The following TBC1D5 variants were observed in gnomAD, a reference collection of about 807,000 sequenced individuals.
The protein encoded by TBC1D5 is TBC1 domain family member 5.
A neutral mutation model predicts 100.3 loss-of-function variants in TBC1D5; 75 were observed. That is an observed-to-expected ratio of 0.75 (90% confidence interval 0.62 to 0.91). The LOEUF is 0.91. Ranked by LOEUF, TBC1D5 falls within the 40% of genes least tolerant of loss-of-function variation. The probability of loss-of-function intolerance (pLI) is 0.00; values close to 1 mark genes in which losing one functional copy is unlikely to be tolerated. For synonymous variants in TBC1D5, 323 were observed against 325.6 expected, an observed-to-expected ratio of 0.99 and a Z score of 0.09; for missense variants, 910 against 942.4, an observed-to-expected ratio of 0.97 and a Z score of 0.45.
chr3:17,287,091 ATAAT>A (rs1446579634), intron 15 of TBC1D5, among the ~76,000 whole-genome samples: 1 of 152,210 alleles, frequency 6.6e-6, no homozygotes, highest in East Asian at 1.9e-4. Flanking sequence ...TTCAAGTTGT[ATAAT>A]TAATTAACTA....
intron 19 of TBC1D5, among the ~76,000 whole-genome samples, chr3:17,182,374 G>T (rs1323140008): frequency 6.6e-6 from 1 of 152,184 alleles, no homozygotes; most frequent in Non-Finnish European, 1.5e-5. Context: ...TTCACAGCTG[G>T]TATAGGCTTT....
intron 1 of TBC1D5, among the ~76,000 whole-genome samples, chr3:17,733,988 A>G (rs2076766411): frequency 6.6e-6 from 1 of 152,246 alleles, no homozygotes; most frequent in Non-Finnish European, 1.5e-5. Flanking sequence ...AGCCTGGGCA[A>G]CAGTGCAAGA....
chr3:17,663,996 A>G (rs1322422520), intron 1 of TBC1D5, among the ~76,000 whole-genome samples: 2 of 152,166 alleles, frequency 1.3e-5, no homozygotes, highest in African/African-American at 4.8e-5. Context: ...CAACAACCCA[A>G]CATCTTTCGA....
intron 8 of TBC1D5, among the ~76,000 whole-genome samples, chr3:17,389,612 T>A (rs2093288397): frequency 6.6e-6 from 1 of 152,082 alleles, no homozygotes; most frequent in African/African-American, 2.4e-5. Flanking sequence ...GACAGGTGAA[T>A]GAGCAAACCT....
chr3:17,723,419 T>C (rs1261380167), intron 1 of TBC1D5, among the ~76,000 whole-genome samples: 1 of 152,204 alleles, frequency 6.6e-6, no homozygotes, highest in Non-Finnish European at 1.5e-5. Context: ...AAAGATTTCC[T>C]ACAAAAATAC....
chr3:17,242,659 T>C (rs1420737223), intron 16 of TBC1D5, among the ~76,000 whole-genome samples: 1 of 152,100 alleles, frequency 6.6e-6, no homozygotes. Context: ...GGCTCATTTG[T>C]TATTTAGGTA....
chr3:17,424,430 C>G (rs2094291174), intron 4 of TBC1D5, among the ~76,000 whole-genome samples: 1 of 152,272 alleles, frequency 6.6e-6, no homozygotes, highest in South Asian at 2.1e-4. Context: ...TTCTTTCACA[C>G]CCATTCATGT....
Position 17,277,250 on chromosome 3 carries a change from A to G in TBC1D5, c.1245+14645T>C, listed in dbSNP as rs79766530. On this transcript the variant is annotated intron_variant, in intron 15 of 21. Transcript: ENST00000253692. ...CTCAAAAGAAAATATGAAATTCTTC[A>G]TATTTTCTCTCATGCTCTTTTCTTC... 6.5e-3 allele frequency among the ~76,000 whole-genome samples: 983 copies of G among 152,308 alleles called. 26 individuals carry two copies. In the East Asian group the frequency reaches 0.11, roughly 17 times the overall value.
chr3:17,253,732 A>G (rs1490418520), intron 16 of TBC1D5, among the ~76,000 whole-genome samples: 1 of 152,222 alleles, frequency 6.6e-6, no homozygotes, highest in Non-Finnish European at 1.5e-5. Flanking sequence ...ATGGAACAAT[A>G]CAACATGCTC....
chr3:17,648,729 G>A (rs192487488), intron 1 of TBC1D5, among the ~76,000 whole-genome samples: 18 of 152,196 alleles, frequency 1.2e-4, no homozygotes, highest in Admixed American at 1.1e-3. Context: ...TATGAAAAAA[G>A]CTCAGTATCA....
chr3:17,233,262 T>C (rs971087427), intron 17 of TBC1D5, among the ~76,000 whole-genome samples: 1 of 152,202 alleles, frequency 6.6e-6, no homozygotes, highest in Non-Finnish European at 1.5e-5. Flanking sequence ...TTGTAATTAT[T>C]TCAGGCAAAA....
At chr3:17,705,983 C>CTTT (rs34439427) in intron 1 of TBC1D5, 168 of 1,223,364 alleles carry the variant, frequency 1.4e-4, no homozygotes, top group Middle Eastern at 5.9e-4. Flanking sequence ...TTTCTTTACT[C>CTTT]TTTTTTTTTT....
intron 4 of TBC1D5, among the ~76,000 whole-genome samples, chr3:17,406,924 G>A (rs1461457030): frequency 1.3e-5 from 2 of 152,076 alleles, no homozygotes; most frequent in African/African-American, 2.4e-5. Flanking sequence ...AGCTTCTCAT[G>A]TGAAATACCT....
intron 2 of TBC1D5, among the ~76,000 whole-genome samples, chr3:17,619,653 A>T (rs574885959): frequency 2.0e-4 from 30 of 152,372 alleles, no homozygotes; most frequent in African/African-American, 7.0e-4. Context: ...AAGTGCAGGG[A>T]GCAGGAGAGA....
intron 15 of TBC1D5, among the ~76,000 whole-genome samples, chr3:17,277,545 C>T (rs967542712): frequency 1.3e-5 from 2 of 152,116 alleles, no homozygotes; most frequent in East Asian, 1.9e-4. Context: ...TTTTCAAACT[C>T]GGTATTCCAA....
At chr3:17,164,751 T>C (rs2066423258) in intron 21 of TBC1D5, among the ~76,000 whole-genome samples, 1 of 152,180 alleles carries the variant, frequency 6.6e-6, no homozygotes, top group African/African-American at 2.4e-5. Flanking sequence ...TGGGCCCTTA[T>C]CAGCCTAGCC....
At chr3:17,213,897 C>T (rs561453179) in intron 18 of TBC1D5, among the ~76,000 whole-genome samples, 1 of 151,412 alleles carries the variant, frequency 6.6e-6, no homozygotes, top group African/African-American at 2.4e-5. Flanking sequence ...CATCATTTAT[C>T]TGTTAAATTT....
intron 4 of TBC1D5, among the ~76,000 whole-genome samples, chr3:17,425,525 G>A (rs1262865224): frequency 6.6e-6 from 1 of 152,140 alleles, no homozygotes; most frequent in Non-Finnish European, 1.5e-5. Context: ...TACTCAGGAG[G>A]CTGAGAGGTG....
rs566840495 is a variant in TBC1D5, at chr3:17,385,304, G to A, written c.510-1289C>T. ...CAGGTGGCTTTGGAACTAAAAAATG[G>A]GAGAAAATGTGAGAGAGTAGAGAGG... is the stretch of plus-strand genomic sequence containing the variant. On this transcript the variant is annotated intron_variant, in intron 8 of 21. Transcript: ENST00000253692. Among the ~76,000 whole-genome samples the A allele has an allele frequency of 5.9e-5, 9 of 152,126 alleles. No homozygotes were observed. The East Asian group carries it at 1.6e-3, about 26-fold the overall frequency.
Sources: gnomAD v4.1 joint callset for allele counts (sites outside exome capture counted in the v4.1 genomes callset) on GRCh38, gnomAD v4.1.1 for gene constraint, MANE v1.5 for transcripts, NCBI Gene and HGNC (gene_info 2026-07-23, HGNC 2026-07-21) for gene names.